Variants in DCC observed in about 807,000 individuals in gnomAD.
DCC encodes netrin receptor DCC.
Under a neutral mutation model 172.5 loss-of-function variants are expected in DCC, and 58 were observed. The observed-to-expected ratio is 0.34, with a 90% CI of 0.27 to 0.42. The LOEUF is 0.42. Among genes scored for constraint, DCC ranks in the 10% least tolerant of loss-of-function variants. The pLI, the probability that DCC is intolerant of heterozygous loss-of-function variation, is 1.00. For missense variants in DCC, 1,740 were observed against 1,791.0 expected, an observed-to-expected ratio of 0.97 and a Z score of 0.51; for synonymous variants, 709 against 644.5, an observed-to-expected ratio of 1.10 and a Z score of -1.52.
At chr18:53,519,096 C>T (rs2046371100) in intron 27 of DCC, among the ~76,000 whole-genome samples, 1 of 152,014 alleles carries the variant, frequency 6.6e-6, no homozygotes, top group South Asian at 2.1e-4. Flanking sequence ...TAAGGAGAGG[C>T]AAGAAATCCA....
At chr18:52,371,886 A>G (rs1056734071) in intron 1 of DCC, among the ~76,000 whole-genome samples, 3 of 152,184 alleles carry the variant, frequency 2.0e-5, no homozygotes, top group African/African-American at 7.2e-5. Context: ...TGTGGGTGTT[A>G]CCCAGGCAAT....
intron 3 of DCC, among the ~76,000 whole-genome samples, chr18:52,907,792 G>T (rs2039912050): frequency 6.6e-6 from 1 of 152,064 alleles, no homozygotes; most frequent in African/African-American, 2.4e-5. Flanking sequence ...TAGGAATCCG[G>T]CAGTGGCAAA....
intron 1 of DCC, among the ~76,000 whole-genome samples, chr18:52,522,791 T>G (rs190393417): frequency 6.6e-6 from 1 of 152,244 alleles, no homozygotes; most frequent in Non-Finnish European, 1.5e-5. Context: ...GGAGGTTAAT[T>G]TTGAATATAA....
At chr18:53,482,412 G>C (rs985313879) in intron 25 of DCC, among the ~76,000 whole-genome samples, 1 of 152,028 alleles carries the variant, frequency 6.6e-6, no homozygotes, top group East Asian at 1.9e-4. Context: ...CTATTAGAAA[G>C]TAAAATTTCT....
intron 5 of DCC, among the ~76,000 whole-genome samples, chr18:52,976,710 C>T (rs1002238389): frequency 2.6e-5 from 4 of 152,128 alleles, no homozygotes; most frequent in Non-Finnish European, 5.9e-5. Context: ...AACATTAGCC[C>T]AATGGTTTCT....
At chr18:52,463,077 C>T (rs548376422) in intron 1 of DCC, among the ~76,000 whole-genome samples, 43 of 152,134 alleles carry the variant, frequency 2.8e-4, no homozygotes, top group Non-Finnish European at 3.7e-4. Context: ...GCATACTTAC[C>T]GTAATAGCTG....
At chr18:53,187,003 G>A (rs986327735) in intron 9 of DCC, among the ~76,000 whole-genome samples, 1 of 152,248 alleles carries the variant, frequency 6.6e-6, no homozygotes, top group South Asian at 2.1e-4. Context: ...AGCCCTCATG[G>A]CCTAATCATC....
chr18:53,110,672 A>G (rs2043317146), intron 7 of DCC, among the ~76,000 whole-genome samples: 2 of 148,082 alleles, frequency 1.4e-5, no homozygotes, highest in East Asian at 2.0e-4. Context: ...TGGCCATCAG[A>G]GAAATGCAAA....
intron 16 of DCC, among the ~76,000 whole-genome samples, chr18:53,391,406 T>TA (rs1908536555): frequency 6.6e-6 from 1 of 152,202 alleles, no homozygotes; most frequent in African/African-American, 2.4e-5. Flanking sequence ...GTCAAATTGA[T>TA]AAAACCACTC....
intron 8 of DCC, among the ~76,000 whole-genome samples, chr18:53,177,400 C>A (rs957934971): frequency 2.6e-5 from 4 of 152,156 alleles, no homozygotes; most frequent in Non-Finnish European, 4.4e-5. Context: ...TAGCTCCTGG[C>A]AGCCACTCAG....
intron 2 of DCC, among the ~76,000 whole-genome samples, chr18:52,792,194 G>T (rs1031877180): frequency 6.6e-6 from 1 of 151,996 alleles, no homozygotes; most frequent in Non-Finnish European, 1.5e-5. Context: ...ACTGTGGGGG[G>T]TGCGAGGGTG....
chr18:52,856,671 A>C (rs1387208644), intron 2 of DCC, among the ~76,000 whole-genome samples: 6 of 151,662 alleles, frequency 4.0e-5, no homozygotes, highest in African/African-American at 1.5e-4. Flanking sequence ...ATATATTATG[A>C]ATTCACTACA....
chr18:53,392,189 A>G (rs1908590869), intron 17 of DCC, among the ~76,000 whole-genome samples: 2 of 151,942 alleles, frequency 1.3e-5, no homozygotes, highest in Admixed American at 1.3e-4. Context: ...CCTTTAAAAT[A>G]GCAGAGATCT....
intron 1 of DCC, among the ~76,000 whole-genome samples, chr18:52,429,342 AT>A (rs1307550462): frequency 6.6e-6 from 1 of 152,124 alleles, no homozygotes; most frequent in East Asian, 1.9e-4. Flanking sequence ...ACACTGAGGC[AT>A]GTGTGAGTGT....
intron 7 of DCC, among the ~76,000 whole-genome samples, chr18:53,098,128 A>T (rs899327499): frequency 6.6e-6 from 1 of 152,168 alleles, no homozygotes; most frequent in African/African-American, 2.4e-5. Context: ...TGTTATTTGA[A>T]TATTTTGACT....
chr18:53,173,303 GC>G (rs901688407), intron 8 of DCC, among the ~76,000 whole-genome samples: 3 of 152,044 alleles, frequency 2.0e-5, no homozygotes, highest in East Asian at 3.9e-4. Flanking sequence ...ACTTCATACT[GC>G]ACTTCTAAAA....
chr18:52,898,547 G>A (rs1207734023), intron 2 of DCC, among the ~76,000 whole-genome samples: 1 of 152,180 alleles, frequency 6.6e-6, no homozygotes, highest in Non-Finnish European at 1.5e-5. Flanking sequence ...CTGATGGAAA[G>A]ATTTCTTGTC....
chr18:52,583,265 A>C (rs2033594938), intron 1 of DCC, among the ~76,000 whole-genome samples: 1 of 152,232 alleles, frequency 6.6e-6, no homozygotes, highest in Non-Finnish European at 1.5e-5. Context: ...TGTGCAATAA[A>C]AACACTGGAG....
At chr18:53,461,767 ACTTC>A (rs1266214673) in intron 24 of DCC, among the ~76,000 whole-genome samples, 1 of 152,180 alleles carries the variant, frequency 6.6e-6, no homozygotes, top group Non-Finnish European at 1.5e-5. Flanking sequence ...AGATTTCCTA[ACTTC>A]CTTGTCACTC....
Sources: gnomAD v4.1 joint callset for allele counts (sites outside exome capture counted in the v4.1 genomes callset) on GRCh38, gnomAD v4.1.1 for gene constraint, MANE v1.5 for transcripts, NCBI Gene and HGNC (gene_info 2026-07-23, HGNC 2026-07-21) for gene names.